The following ZNF611 variants were observed in gnomAD, a reference collection of about 807,000 sequenced individuals.
ZNF611 encodes the protein zinc finger protein 611.
ZNF611 carries 6 observed loss-of-function variants against 8.9 expected under a neutral mutation model. The observed-to-expected ratio is 0.68, with a 90% CI of 0.37 to 1.34. The LOEUF is 1.34. Ranked by LOEUF, ZNF611 falls within the 40% of genes most tolerant of loss-of-function variation. The pLI, the probability that ZNF611 is intolerant of heterozygous loss-of-function variation, is 0.02. For synonymous variants in ZNF611, 262 were observed against 279.7 expected (o/e 0.94, Z 0.63); for missense variants, 874 against 841.3 (o/e 1.04, Z -0.48).
rs747991618 is a variant in ZNF611, at chr19:52,706,031, G to A, written c.1024C>T (p.Pro342Ser). The change falls in exon 6 of 6, where the codon CCT becomes TCT. Residue 342 changes from proline (P) to serine (S), a missense_variant. Coordinates refer to ENST00000652185, the MANE Select transcript of ZNF611 (RefSeq NM_001161499.2). ...IDKAIDTGEN[P>S]YKCNECDKAF... is the part of the protein sequence containing the mutation. ...TTGTCACATTCATTACACTTGTAAG[G>A]ATTTTCTCCAGTATCAATTGCCTTA... 6.2e-7 allele frequency: 1 copy of A among 1,614,062 alleles called. No homozygotes were observed. Among genetic ancestry groups the A allele is most frequent in the Non-Finnish European group, 8.5e-7 (1 of 1,180,014 alleles).
At chr19:52,712,235 A>G (rs1365208165) in intron 5 of ZNF611, among the ~76,000 whole-genome samples, 5 of 151,978 alleles carry the variant, frequency 3.3e-5, no homozygotes, top group Non-Finnish European at 7.4e-5. Context: ...AAAAACAACT[A>G]AACTCCATGA....
chr19:52,732,854 T>G (rs951929270), intron 1 of ZNF611, among the ~76,000 whole-genome samples: 1 of 151,350 alleles, frequency 6.6e-6, no homozygotes, highest in Non-Finnish European at 1.5e-5. Flanking sequence ...CTCAGAAGGC[T>G]GAGGAAGGAG....
chr19:52,721,634 G>A (rs2062360046), intron 3 of ZNF611, among the ~76,000 whole-genome samples: 1 of 151,456 alleles, frequency 6.6e-6, no homozygotes, highest in Non-Finnish European at 1.5e-5. Context: ...CGGCAGTACT[G>A]TCCAGCCTCG....
intron 3 of ZNF611, chr19:52,723,676 C>G (rs1815474772): frequency 6.6e-6 from 1 of 152,160 alleles, no homozygotes; most frequent in Non-Finnish European, 1.5e-5. Flanking sequence ...GCTCAGAGGA[C>G]CAGCACTCAG....
chr19:52,734,349 G>A (rs2062443925), intron 1 of ZNF611, among the ~76,000 whole-genome samples: 1 of 152,062 alleles, frequency 6.6e-6, no homozygotes, highest in Non-Finnish European at 1.5e-5. Context: ...TCGCAACACG[G>A]TTTGGAGTAA....
Position 52,706,358 on chromosome 19 carries a change from A to G in ZNF611, c.697T>C (p.Cys233Arg), listed in dbSNP as rs1158388579. 7 of 1,614,050 alleles carry G rather than the reference A, an allele frequency of 4.3e-6. No individual in the cohort carries two copies. Among genetic ancestry groups the G allele is most frequent in the Admixed American group, 1.7e-5 (1 of 59,996 alleles). The change falls in exon 6 of 6, where the codon TGT becomes CGT. Residue 233 changes from cysteine to arginine, a missense_variant. Physicochemically the swap from Cys to Arg is radical, Grantham distance 180. Coordinates refer to ENST00000652185, the MANE Select transcript of ZNF611 (RefSeq NM_001161499.2). ...TTAAAGGCTTTGCCACTCTTATTAC[A>G]TTGGAAAGATTTTTCTCTCATGTGT... ...EVHMREKSFQ[C>R]NKSGKAFNCS...
intron 4 of ZNF611, among the ~76,000 whole-genome samples, chr19:52,715,135 G>A (rs1318981853): frequency 1.3e-5 from 2 of 152,134 alleles, no homozygotes; most frequent in Non-Finnish European, 2.9e-5. Context: ...GCTTCAGAGA[G>A]GACAAAGTCC....
At chr19:52,714,561 A>T (rs1282196510) in intron 4 of ZNF611, among the ~76,000 whole-genome samples, 1 of 151,076 alleles carries the variant, frequency 6.6e-6, no homozygotes, top group Non-Finnish European at 1.5e-5. Flanking sequence ...GGTAGAAGGC[A>T]CCTGTAATCC....
At chr19:52,734,911 T>C (rs1000029874) in intron 1 of ZNF611, 90 bp downstream of exon 1, 1 of 152,298 alleles carries the variant, frequency 6.6e-6, no homozygotes. Flanking sequence ...GCCGGAGAAT[T>C]TCCAGGTCTG....
intron 5 of ZNF611, among the ~76,000 whole-genome samples, chr19:52,710,191 C>T (rs184738229): frequency 7.3e-5 from 11 of 151,216 alleles, no homozygotes; most frequent in African/African-American, 2.4e-4. Context: ...TCTTGAGTAG[C>T]AGGGAGTACA....
At position 52,706,827 on chromosome 19, in the gene ZNF611, T is replaced by C; in HGVS notation, c.228A>G (p.Ser76=). 6.2e-7 allele frequency: 1 copy of C among 1,610,310 alleles called. No homozygotes were observed. The highest frequency in any genetic ancestry group is 8.5e-7 in the Non-Finnish European group (1 of 1,178,890). Residue 76 remains serine, a synonymous_variant, in exon 6 of 6, where the codon TCA becomes TCG. Coordinates refer to ENST00000652185, the MANE Select transcript of ZNF611 (RefSeq NM_001161499.2). ...TCACTTCTGTATTGCCTTGCCCTGT[T>C]GACAAGACCTCCTTCATCATGCATT... The part of the protein sequence containing the change: ...SSKCMMKEVL[S]TGQGNTEVIH...
intron 5 of ZNF611, among the ~76,000 whole-genome samples, chr19:52,709,326 G>A (rs2062264986): frequency 6.6e-6 from 1 of 151,932 alleles, no homozygotes; most frequent in South Asian, 2.1e-4. Flanking sequence ...AGCCTGGAGT[G>A]CGGTGGTGCA....
At chr19:52,732,255 GCAAA>G (rs2062430419) in intron 1 of ZNF611, among the ~76,000 whole-genome samples, 2 of 151,932 alleles carry the variant, frequency 1.3e-5, no homozygotes, top group Non-Finnish European at 2.9e-5. Flanking sequence ...GGGTGACAGA[GCAAA>G]ACTCCATCTC....
chr19:52,729,224 C>T (rs7259713), intron 2 of ZNF611, among the ~76,000 whole-genome samples: 42,439 of 151,916 alleles, frequency 0.28, 6,035 homozygotes, highest in African/African-American at 0.32. Context: ...TAAAGGACCA[C>T]AAAATATACT....
rs1172247335 is a variant in ZNF611, at chr19:52,705,153, G to A, written c.1902C>T (p.Cys634=). 41 of 1,613,566 alleles carry A rather than the reference G, an allele frequency of 2.5e-5. No homozygotes were observed. The highest frequency in any genetic ancestry group is 3.5e-5 in the Non-Finnish European group (41 of 1,179,938). Residue 634 remains cysteine (C), a synonymous_variant, in exon 6 of 6, where the codon TGC becomes TGT. Transcript: ENST00000652185. ...CNECGNTFRH[C]SSLIYHRRLH... Reference sequence around the variant, plus strand: ...GTCTACGATGGTATATAAGGGATGAGCAGTGACGGAAGGTATTGCCACACT... The same window carrying A: ...GTCTACGATGGTATATAAGGGATGAACAGTGACGGAAGGTATTGCCACACT...
At chr19:52,727,396 C>A (rs2062399623) in intron 3 of ZNF611, among the ~76,000 whole-genome samples, 1 of 152,126 alleles carries the variant, frequency 6.6e-6, no homozygotes, top group Non-Finnish European at 1.5e-5. Flanking sequence ...CCATTTAGTA[C>A]ATGTTTTCAA....
chr19:52,723,033 CA>C (rs2062369942), intron 3 of ZNF611, among the ~76,000 whole-genome samples: 1 of 151,532 alleles, frequency 6.6e-6, no homozygotes, highest in African/African-American at 2.4e-5. Flanking sequence ...AGGCATGAGC[CA>C]CTGCGCCTGG....
At chr19:52,729,515 AAAAGAAAAG>A (rs1568610193) in intron 2 of ZNF611, among the ~76,000 whole-genome samples, 2 of 148,114 alleles carry the variant, frequency 1.4e-5, no homozygotes, top group Non-Finnish European at 3.0e-5. Flanking sequence ...AAAAAAAAAA[AAAAGAAAAG>A]AAAGAAAAAG....
rs2062415367 is a variant in ZNF611, at chr19:52,729,968, A to T, written c.-184T>A. 6.6e-6 allele frequency: 1 copy of T among 152,222 alleles called. No individual in the cohort carries two copies. Among genetic ancestry groups the T allele is most frequent in the African/African-American group, 2.4e-5 (1 of 41,444 alleles). 9.4% of individuals were successfully genotyped at this position (152,222 alleles called of 1,614,324 possible). ...CTGCATATCACCAGGCAATACAGCA[A>T]TTTTGTATATATGCATTGTCCTTCG... On this transcript the variant is annotated 5_prime_UTR_variant, in exon 2 of 6. In the 5' UTR this introduces an upstream ATG that the reference lacks. Coordinates refer to ENST00000652185, the MANE Select transcript of ZNF611 (RefSeq NM_001161499.2).
Sources: allele counts gnomAD v4.1 joint callset (sites outside exome capture counted in the v4.1 genomes callset), GRCh38; gene constraint gnomAD v4.1.1; transcripts MANE v1.5; gene names NCBI Gene and HGNC (gene_info 2026-07-23, HGNC 2026-07-21).